MYO3B: variants seen among roughly 807,000 people sequenced by gnomAD.
The protein encoded by MYO3B is myosin-IIIb.
Under a neutral mutation model 174.6 loss-of-function variants are expected in MYO3B, and 156 were observed. The observed-to-expected ratio is 0.89, with a 90% CI of 0.78 to 1.02. MYO3B has a LOEUF of 1.02. Ranked by LOEUF, MYO3B falls within the 50% of genes least tolerant of loss-of-function variation. MYO3B has a pLI of 0.00. For missense variants in MYO3B, 1,632 were observed against 1,639.4 expected, an observed-to-expected ratio of 1.00 and a Z score of 0.08; for synonymous variants, 563 against 569.1, an observed-to-expected ratio of 0.99 and a Z score of 0.15.
intron 7 of MYO3B, among the ~76,000 whole-genome samples, chr2:170,269,129 A>T (rs2093406398): frequency 6.6e-6 from 1 of 152,146 alleles, no homozygotes; most frequent in Non-Finnish European, 1.5e-5. Flanking sequence ...CTGCCTCTTA[A>T]TCTAAGGGGT....
intron 7 of MYO3B, among the ~76,000 whole-genome samples, chr2:170,286,183 T>A (rs550096492): frequency 5.9e-5 from 9 of 152,326 alleles, no homozygotes; most frequent in African/African-American, 1.9e-4. Flanking sequence ...TGAGGATGGG[T>A]AAGCAGAACT....
chr2:170,505,849 C>A (rs1687589250), intron 28 of MYO3B, among the ~76,000 whole-genome samples: 1 of 152,246 alleles, frequency 6.6e-6, no homozygotes, highest in Non-Finnish European at 1.5e-5. Context: ...TCCCCACACA[C>A]ACGCACAGGA....
At chr2:170,181,579 G>C (rs1056847894) in intron 1 of MYO3B, among the ~76,000 whole-genome samples, 2 of 152,108 alleles carry the variant, frequency 1.3e-5, no homozygotes, top group African/African-American at 4.8e-5. Flanking sequence ...CTAGATTCCT[G>C]TATCAGATGA....
chr2:170,448,937 T>G (rs1683418646), intron 23 of MYO3B, among the ~76,000 whole-genome samples: 1 of 152,210 alleles, frequency 6.6e-6, no homozygotes, highest in South Asian at 2.1e-4. Flanking sequence ...GTAGGAATAA[T>G]TATTTGCCAT....
chr2:170,518,804 T>C (rs568121002), intron 29 of MYO3B, among the ~76,000 whole-genome samples: 1 of 152,318 alleles, frequency 6.6e-6, no homozygotes, highest in African/African-American at 2.4e-5. Context: ...GGCCACACTT[T>C]GACAACCACT....
At chr2:170,287,921 C>G (rs1045421310) in intron 7 of MYO3B, among the ~76,000 whole-genome samples, 50 of 152,056 alleles carry the variant, frequency 3.3e-4, no homozygotes, top group African/African-American at 1.2e-3. Context: ...AGACTGGGGT[C>G]TAGTTTCATT....
chr2:170,521,669 C>G (rs75548255), intron 30 of MYO3B, among the ~76,000 whole-genome samples: 3,832 of 152,242 alleles, frequency 0.025, 164 homozygotes, highest in African/African-American at 0.087. Flanking sequence ...CCCCTGCTTT[C>G]CCATCTTTTA....
rs951743736 is a variant in MYO3B, at chr2:170,206,687, G to A, written c.321+6403G>A. Among the ~76,000 whole-genome samples the A allele has an allele frequency of 6.6e-6, 1 of 152,100 alleles. No individual in the cohort carries two copies. The highest frequency in any genetic ancestry group is 6.5e-5 in the Admixed American group (1 of 15,280). Reference sequence around the variant, plus strand: ...GTTCAAGGCTTAGTCATTTGGGTACGTACTCAGTTTTTTAGGGCCTCTTCT... The same window carrying A: ...GTTCAAGGCTTAGTCATTTGGGTACATACTCAGTTTTTTAGGGCCTCTTCT... On this transcript the variant is annotated intron_variant, in intron 3 of 34. Coordinates refer to ENST00000408978, the MANE Select transcript of MYO3B (RefSeq NM_138995.5). This position sits in a 1 kb window ranked among gnomAD's most constrained non-coding sequence, Gnocchi z 4.3.
At chr2:170,593,340 C>T (rs911572340) in intron 32 of MYO3B, among the ~76,000 whole-genome samples, 2 of 152,158 alleles carry the variant, frequency 1.3e-5, no homozygotes, top group Non-Finnish European at 2.9e-5. Context: ...TGGGCTCACG[C>T]GATCCTCCCA....
chr2:170,600,132 TG>T (rs113129082), intron 32 of MYO3B, among the ~76,000 whole-genome samples: 33,451 of 148,652 alleles, frequency 0.23, 6,691 homozygotes, highest in African/African-American at 0.55. Flanking sequence ...TTGTTGTTGT[TG>T]TTTTTTTTTA....
At chr2:170,470,592 A>T (rs2105979621) in intron 25 of MYO3B, among the ~76,000 whole-genome samples, 1 of 152,308 alleles carries the variant, frequency 6.6e-6, no homozygotes, top group East Asian at 1.9e-4. Context: ...ATGTGGACAT[A>T]TGTTTTCACT....
chr2:170,540,980 A>T (rs995959962), intron 30 of MYO3B, among the ~76,000 whole-genome samples: 7 of 152,188 alleles, frequency 4.6e-5, no homozygotes, highest in African/African-American at 1.4e-4. Flanking sequence ...GCCTGTAGAC[A>T]CTACTCCCTG....
In MYO3B at chr2:170,200,248, T is replaced by A. The variant is rs2092646176; in HGVS notation, c.285T>A (p.Asp95Glu). 6 of 1,613,392 alleles carry A rather than the reference T, an allele frequency of 3.7e-6. No individual in the cohort carries two copies. Among genetic ancestry groups the A allele is most frequent in the Non-Finnish European group, 5.1e-6 (6 of 1,179,620 alleles). Residue 95 changes from aspartate to glutamate, a missense_variant, in exon 3 of 35, where the codon GAT becomes GAA. Physicochemically the swap from Asp to Glu is conservative, Grantham distance 45. Coordinates refer to ENST00000408978, the MANE Select transcript of MYO3B (RefSeq NM_138995.5). ...TTTATGGGATGTTTTACAAAGCGGA[T>A]CACTGTGTAGGGGGACAGCTGTGGC... is the stretch of plus-strand genomic sequence containing the variant. The part of the protein sequence containing the change: ...VKFYGMFYKA[D>E]HCVGGQLWLV...
At chr2:170,214,960 C>T (rs1202774297) in intron 5 of MYO3B, 132 bp downstream of exon 5, 2 of 662,686 alleles carry the variant, frequency 3.0e-6, no homozygotes, top group Admixed American at 4.6e-5. Flanking sequence ...CAAACACAAG[C>T]TGGAGGGGGT....
chr2:170,540,323 CAA>C (rs201275377), intron 30 of MYO3B, among the ~76,000 whole-genome samples: 2 of 146,562 alleles, frequency 1.4e-5, no homozygotes, highest in East Asian at 4.0e-4. Context: ...GATTCTATCT[CAA>C]AAAAAAAAGA....
chr2:170,547,406 A>G (rs1356894424), intron 32 of MYO3B, among the ~76,000 whole-genome samples: 1 of 152,116 alleles, frequency 6.6e-6, no homozygotes, highest in African/African-American at 2.4e-5. Flanking sequence ...GAAAAGCACA[A>G]TATACCCGGG....
At chr2:170,640,097 T>C (rs1697850291) in intron 32 of MYO3B, among the ~76,000 whole-genome samples, 1 of 152,206 alleles carries the variant, frequency 6.6e-6, no homozygotes, top group African/African-American at 2.4e-5. Context: ...GTTAAGTCCA[T>C]GGTTTTTCCA....
rs1697743629 is a variant in MYO3B at position 170,638,913 on chromosome 2, G to A, written c.3734-12715G>A. On this transcript the variant is annotated intron_variant, in intron 32 of 34. Transcript: ENST00000408978. ...TCACAACTTGAACTATGTGTGCCGG[G>A]GTCTTCTGATCCCCCATGTCCAGTG... Among the ~76,000 whole-genome samples, 3 of 152,046 alleles carry A rather than the reference G, an allele frequency of 2.0e-5. No homozygotes were observed. The South Asian group carries it at 6.2e-4, about 32-fold the overall frequency.
At chr2:170,652,558 G>A (rs1699079148) in intron 34 of MYO3B, among the ~76,000 whole-genome samples, 1 of 152,188 alleles carries the variant, frequency 6.6e-6, no homozygotes, top group South Asian at 2.1e-4. Context: ...CAACTGGTTA[G>A]ATAGAGGATA....
Sources: allele counts gnomAD v4.1 joint callset (sites outside exome capture counted in the v4.1 genomes callset), GRCh38; gene constraint gnomAD v4.1.1; non-coding constraint Gnocchi (gnomAD v3.1); transcripts MANE v1.5; gene names NCBI Gene and HGNC (gene_info 2026-07-23, HGNC 2026-07-21).